The following VEPH1 variants were observed in gnomAD, a reference collection of about 807,000 sequenced individuals.
The protein encoded by VEPH1 is ventricular zone expressed PH domain containing 1.
A neutral mutation model predicts 85.2 loss-of-function variants in VEPH1; 80 were observed. That is an observed-to-expected ratio of 0.94 (90% confidence interval 0.78 to 1.13). The LOEUF is 1.13. Among genes scored for constraint, VEPH1 ranks in the 50% most tolerant of loss-of-function variants. The pLI is 0.00. For synonymous variants in VEPH1, 297 were observed against 348.0 expected (o/e 0.85, Z 1.63); for missense variants, 955 against 980.5 (o/e 0.97, Z 0.35).
At chr3:157,479,890 A>T (rs544460552) in intron 2 of VEPH1, among the ~76,000 whole-genome samples, 9 of 152,350 alleles carry the variant, frequency 5.9e-5, no homozygotes, top group South Asian at 2.1e-4. Flanking sequence ...AATGTTAGCT[A>T]TTATTTTTAT....
chr3:157,498,572 C>A (rs557135389), intron 1 of VEPH1, among the ~76,000 whole-genome samples: 39 of 152,244 alleles, frequency 2.6e-4, no homozygotes, highest in African/African-American at 9.1e-4. Context: ...GGCAGCTGGT[C>A]TCCCAGGATA....
At chr3:157,499,414 G>A (rs1197987436) in intron 1 of VEPH1, 3 of 152,172 alleles carry the variant, frequency 2.0e-5, no homozygotes, top group Non-Finnish European at 1.5e-5. Context: ...ACTCCTCAAA[G>A]GCGCCCTTGC....
At chr3:157,279,472 A>G (rs1430001689) in intron 12 of VEPH1, among the ~76,000 whole-genome samples, 1 of 152,128 alleles carries the variant, frequency 6.6e-6, no homozygotes, top group Non-Finnish European at 1.5e-5. Flanking sequence ...GTGGATAGAG[A>G]GAGACAACTC....
At chr3:157,395,583 T>C (rs1225514165) in intron 6 of VEPH1, among the ~76,000 whole-genome samples, 1 of 152,164 alleles carries the variant, frequency 6.6e-6, no homozygotes, top group African/African-American at 2.4e-5. Context: ...ACTTGATTAT[T>C]AAAATCCTCC....
rs540489488 is a variant in VEPH1 at position 157,364,515 on chromosome 3, A to G, written c.1128-3T>C. On this transcript the variant is annotated splice_polypyrimidine_tract_variant and splice_region_variant and intron_variant, in intron 7 of 13. Coordinates refer to ENST00000362010, the MANE Select transcript of VEPH1 (RefSeq NM_001167912.2). ...CAATTTCAGTGCTGATTTTTCTCCT[A>G]AAGGAATATAAATCATTGCATTAGA... 18 of 1,612,270 alleles carry G rather than the reference A, an allele frequency of 1.1e-5. No individual in the cohort carries two copies. Among genetic ancestry groups the G allele is most frequent in the African/African-American group, 9.3e-5 (7 of 74,876 alleles).
upstream of VEPH1, chr3:157,503,492 G>C (rs952136284): frequency 7.2e-5 from 11 of 152,192 alleles, no homozygotes; most frequent in African/African-American, 2.7e-4. Flanking sequence ...AGGCAAATGA[G>C]TAACTTTTCT....
intron 2 of VEPH1, among the ~76,000 whole-genome samples, chr3:157,492,992 T>C (rs933790723): frequency 2.0e-4 from 30 of 152,066 alleles, no homozygotes; most frequent in African/African-American, 7.0e-4. Context: ...TTCTTAAAAC[T>C]ACTGGGGAAA....
At chr3:157,354,244 A>G (rs2108730952) in intron 9 of VEPH1, among the ~76,000 whole-genome samples, 1 of 145,222 alleles carries the variant, frequency 6.9e-6, no homozygotes, top group South Asian at 2.2e-4. Flanking sequence ...TCTAAAAAGT[A>G]AAGTTTATTA....
chr3:157,407,920 AG>A (rs1731261641), intron 6 of VEPH1, among the ~76,000 whole-genome samples: 2 of 152,154 alleles, frequency 1.3e-5, no homozygotes, highest in African/African-American at 2.4e-5. Flanking sequence ...GAGTCAAGAG[AG>A]GTGATGTAAG....
rs374810744 is a variant in VEPH1 at position 157,320,195 on chromosome 3, C to T, written c.1736-2994G>A. 2.2e-4 allele frequency among the ~76,000 whole-genome samples: 33 copies of T among 152,202 alleles called. No individual in the cohort carries two copies. In the South Asian group the frequency reaches 6.8e-3, roughly 32 times the overall value. ...GATGGTCCTGCTCTTAAGAAGCTTG[C>T]AGCCAAATGGGAGAAACATCTGAAC... On this transcript the variant is annotated intron_variant, in intron 9 of 13. Transcript: ENST00000362010.
At position 157,329,168 on chromosome 3, in the gene VEPH1, G is replaced by T. The variant is rs562407042; in HGVS notation, c.1736-11967C>A. Among the ~76,000 whole-genome samples the T allele has an allele frequency of 3.3e-5, 5 of 152,232 alleles. No homozygotes were observed. The South Asian group carries it at 1.0e-3, about 32-fold the overall frequency. On this transcript the variant is annotated intron_variant, in intron 9 of 13. Coordinates refer to ENST00000362010, the MANE Select transcript of VEPH1 (RefSeq NM_001167912.2). ...TTTATTCTGTATGTAGAGACTTGTT[G>T]ATAATTTGCTTTTGGTATTTATTGC...
chr3:157,313,029 C>T (rs1013805946), intron 11 of VEPH1, among the ~76,000 whole-genome samples: 87 of 150,526 alleles, frequency 5.8e-4, no homozygotes, highest in African/African-American at 2.0e-3. Flanking sequence ...CTCAGCCTCC[C>T]GAGTAGCTGG....
chr3:157,400,657 C>T (rs533739567), intron 6 of VEPH1, among the ~76,000 whole-genome samples: 1 of 152,010 alleles, frequency 6.6e-6, no homozygotes, highest in South Asian at 2.1e-4. Context: ...TCAATGTGGC[C>T]ATGTATGTGT....
chr3:157,416,619 C>T (rs1731931514), intron 5 of VEPH1, among the ~76,000 whole-genome samples: 1 of 152,206 alleles, frequency 6.6e-6, no homozygotes, highest in Non-Finnish European at 1.5e-5. Flanking sequence ...TCTTCAGGTC[C>T]TGTTTCCTGA....
chr3:157,442,987 G>T (rs373942546), intron 4 of VEPH1: 8 of 1,581,078 alleles, frequency 5.1e-6, no homozygotes, highest in African/African-American at 1.4e-5. Context: ...TAAATGTTGT[G>T]AAACTCCACT....
At chr3:157,486,263 C>T (rs564467943) in intron 2 of VEPH1, among the ~76,000 whole-genome samples, 253 of 151,830 alleles carry the variant, frequency 1.7e-3, no homozygotes, top group African/African-American at 5.7e-3. Flanking sequence ...TTTGAGAGAC[C>T]GAGGCGGGTG....
rs548074020 is a variant in VEPH1, at chr3:157,340,868, A to G, written c.1735+22496T>C. Among the ~76,000 whole-genome samples the G allele has an allele frequency of 2.6e-5, 4 of 152,328 alleles. No homozygotes were observed. In the South Asian group the frequency reaches 8.3e-4, roughly 32 times the overall value. Reference sequence around the variant, plus strand: ...AGGCAGCAACATTTGCTGTTCAGCAATATTCGTTGTTCTGCAGCCTCTGCT... The same window carrying G: ...AGGCAGCAACATTTGCTGTTCAGCAGTATTCGTTGTTCTGCAGCCTCTGCT... On this transcript the variant is annotated intron_variant, in intron 9 of 13. Coordinates refer to ENST00000362010, the MANE Select transcript of VEPH1 (RefSeq NM_001167912.2).
intron 9 of VEPH1, among the ~76,000 whole-genome samples, chr3:157,339,189 A>G (rs1467489978): frequency 6.6e-6 from 1 of 152,226 alleles, no homozygotes; most frequent in Non-Finnish European, 1.5e-5. Flanking sequence ...CAAACAAGGC[A>G]TCTCAAATTC....
intron 2 of VEPH1, chr3:157,493,373 T>C: frequency 2.3e-6 from 1 of 430,934 alleles, no homozygotes; most frequent in Non-Finnish European, 4.7e-6. Context: ...TAGCTGGGGC[T>C]GGATCTGAGG....
Sources: gnomAD v4.1 joint callset for allele counts (sites outside exome capture counted in the v4.1 genomes callset) on GRCh38, gnomAD v4.1.1 for gene constraint, MANE v1.5 for transcripts, NCBI Gene and HGNC (gene_info 2026-07-23, HGNC 2026-07-21) for gene names.